FRMPD4: variants seen among roughly 807,000 people sequenced by gnomAD.
The protein encoded by FRMPD4 is FERM and PDZ domain containing 4, also known as FERM and PDZ domain-containing protein 4.
Under a neutral mutation model 94.1 loss-of-function variants are expected in FRMPD4, and 22 were observed. The ratio of observed to expected loss-of-function variants is 0.23; its 90% CI spans 0.17 to 0.33. FRMPD4 has a LOEUF of 0.33. FRMPD4 is among the 10% of genes least tolerant of loss of function. FRMPD4 has a pLI of 1.00. For missense variants in FRMPD4, 1,111 were observed against 1,339.9 expected, an observed-to-expected ratio of 0.83 and a Z score of 2.67; for synonymous variants, 631 against 548.6, an observed-to-expected ratio of 1.15 and a Z score of -2.10.
At chrX:12,463,490 A>G (rs2057412398) in intron 1 of FRMPD4, among the ~76,000 whole-genome samples, 1 of 111,285 alleles carries the variant, frequency 9.0e-6, no homozygotes, top group Non-Finnish European at 1.9e-5. Flanking sequence ...AGGTTATGCA[A>G]TTTATTCTAA....
chrX:12,129,900 G>A (rs1239830222), intron 3 of FRMPD4, among the ~76,000 whole-genome samples: 1 of 111,489 alleles, frequency 9.0e-6, no homozygotes, highest in East Asian at 2.8e-4. Context: ...CCAATGTGGG[G>A]CATCATAATG....
intron 1 of FRMPD4, among the ~76,000 whole-genome samples, chrX:12,464,215 C>T (rs558598775): frequency 8.2e-4 from 91 of 111,656 alleles, no homozygotes; most frequent in African/African-American, 2.8e-3. Context: ...AGCAACTTAA[C>T]GTTCTGAGAC....
At chrX:12,225,272 A>G (rs1012991902) in intron 1 of FRMPD4, among the ~76,000 whole-genome samples, 1 of 112,096 alleles carries the variant, frequency 8.9e-6, no homozygotes. Context: ...TTGCACGTAA[A>G]TCTTTTTTAT....
At chrX:11,829,126 A>G (rs1373135756) in intron 1 of FRMPD4, among the ~76,000 whole-genome samples, 1 of 112,182 alleles carries the variant, frequency 8.9e-6, no homozygotes, top group Non-Finnish European at 1.9e-5. Context: ...ATGCAGGACA[A>G]TCTGCTTTAT....
At chrX:12,023,290 C>G (rs779965082) in intron 3 of FRMPD4, among the ~76,000 whole-genome samples, 1 of 111,430 alleles carries the variant, frequency 9.0e-6, no homozygotes, top group Non-Finnish European at 1.9e-5. Flanking sequence ...TTATAGGACA[C>G]CCAGTCTATG....
intron 1 of FRMPD4, among the ~76,000 whole-genome samples, chrX:12,250,072 T>TTG (rs72178576): frequency 0.32 from 29,194 of 91,118 alleles, 4,081 homozygotes; most frequent in Non-Finnish European, 0.38. Flanking sequence ...GTTTGTGTGT[T>TTG]TGTGTGTGTG....
chrX:12,386,885 C>A (rs866133920), intron 1 of FRMPD4, among the ~76,000 whole-genome samples: 6 of 110,999 alleles, frequency 5.4e-5, no homozygotes, highest in Non-Finnish European at 1.1e-4. Context: ...AGAGGCTGAC[C>A]CTAAAGAATC....
At chrX:12,638,188 A>G (rs756610756) in intron 4 of FRMPD4, among the ~76,000 whole-genome samples, 1 of 112,637 alleles carries the variant, frequency 8.9e-6, no homozygotes, top group South Asian at 3.7e-4. Context: ...TGTTTTCTCA[A>G]ACACACAAGT....
intron 2 of FRMPD4, among the ~76,000 whole-genome samples, chrX:12,543,887 CCATG>C (rs1372179441): frequency 9.1e-6 from 1 of 109,911 alleles, no homozygotes; most frequent in Non-Finnish European, 1.9e-5. Context: ...CACATATACA[CCATG>C]GAATACTATG....
chrX:12,534,716 C>T (rs901270458), intron 2 of FRMPD4, among the ~76,000 whole-genome samples: 2 of 112,809 alleles, frequency 1.8e-5, no homozygotes, highest in African/African-American at 3.2e-5. Context: ...TGGCCAATTT[C>T]TCCCATTTGG....
intron 2 of FRMPD4, among the ~76,000 whole-genome samples, chrX:12,516,992 A>G (rs187944430): frequency 9.2e-4 from 85 of 91,920 alleles, no homozygotes; most frequent in African/African-American, 3.2e-3. Context: ...TGCTTGGTCT[A>G]TTTGGCTATT....
chrX:12,120,323 T>C (rs1377738277), intron 3 of FRMPD4, among the ~76,000 whole-genome samples: 1 of 112,406 alleles, frequency 8.9e-6, no homozygotes, highest in East Asian at 2.8e-4. Context: ...AAAAGATTTC[T>C]CCATAAGATC....
Position 12,331,682 on chromosome X carries a change from TA to T in FRMPD4, c.42-166997del, listed in dbSNP as rs900141594. 4.7e-4 allele frequency among the ~76,000 whole-genome samples: 34 copies of T among 72,277 alleles called. 2 individuals carry two copies. The Admixed American group carries it at 5.0e-3, about 11-fold the overall frequency. The allele number at this position is 72,277 out of a possible 115,157, so 62.8% of individuals were successfully genotyped here. On this transcript the variant is annotated intron_variant, in intron 1 of 16. Coordinates refer to ENST00000675598, the MANE Select transcript of FRMPD4 (RefSeq NM_001368397.1). ...ATAATATATAAATATATAAATTATA[TA>T]TTTATATAATATATAAATATATAAT...
chrX:12,403,835 AC>A (rs1015742141), intron 1 of FRMPD4, among the ~76,000 whole-genome samples: 1 of 108,991 alleles, frequency 9.2e-6, no homozygotes, highest in African/African-American at 3.3e-5. Flanking sequence ...TTGATGTATG[AC>A]CCCCCTCAGT....
intron 3 of FRMPD4, among the ~76,000 whole-genome samples, chrX:12,122,258 T>C (rs187515399): frequency 1.8e-5 from 2 of 111,809 alleles, no homozygotes; most frequent in East Asian, 2.8e-4. Flanking sequence ...GGAACCACTG[T>C]ACCAAACAGC....
At chrX:12,599,912 ATATATGT>A (rs1444658308) in intron 2 of FRMPD4, among the ~76,000 whole-genome samples, 1 of 101,807 alleles carries the variant, frequency 9.8e-6, no homozygotes, top group Non-Finnish European at 1.9e-5. Flanking sequence ...AGAATATAAA[ATATATGT>A]TAAGAGGTGT....
chrX:12,682,352 G>T (rs1486413937), intron 5 of FRMPD4, among the ~76,000 whole-genome samples: 1 of 112,014 alleles, frequency 8.9e-6, no homozygotes, highest in Non-Finnish European at 1.9e-5. Flanking sequence ...TAAATAGAGG[G>T]TTAAGCCTCT....
intron 4 of FRMPD4, among the ~76,000 whole-genome samples, chrX:12,668,900 C>T (rs777484493): frequency 1.8e-5 from 2 of 111,370 alleles, no homozygotes; most frequent in African/African-American, 3.3e-5. Flanking sequence ...CAACTGCACC[C>T]GGCCTGAAAC....
At chrX:12,084,177 T>TGG (rs370234603) in intron 3 of FRMPD4, among the ~76,000 whole-genome samples, 3,798 of 53,758 alleles carry the variant, frequency 0.071, 169 homozygotes, top group African/African-American at 0.11. Context: ...AGGGACCCAG[T>TGG]GGGGGGGGGG....
Sources: gnomAD v4.1 joint callset for allele counts (sites outside exome capture counted in the v4.1 genomes callset) on GRCh38, gnomAD v4.1.1 for gene constraint, MANE v1.5 for transcripts, NCBI Gene and HGNC (gene_info 2026-07-23, HGNC 2026-07-21) for gene names.